The following ZBTB7C variants were observed in gnomAD, a reference collection of about 807,000 sequenced individuals.
ZBTB7C encodes zinc finger and BTB domain-containing protein 7C.
Under a neutral mutation model 25.7 loss-of-function variants are expected in ZBTB7C, and 8 were observed. The observed-to-expected ratio is 0.31, with a 90% CI of 0.18 to 0.56. The LOEUF (loss-of-function observed/expected upper bound fraction) is 0.56, where lower values mean the gene tolerates loss of function less well. Ranked by LOEUF, ZBTB7C falls within the 20% of genes least tolerant of loss-of-function variation. The pLI is 0.91. For missense variants in ZBTB7C, 824 were observed against 855.2 expected (o/e 0.96, Z 0.46); for synonymous variants, 394 against 369.0 (o/e 1.07, Z -0.78).
At chr18:48,065,764 C>T (rs1295312838) in intron 3 of ZBTB7C, among the ~76,000 whole-genome samples, 7 of 152,264 alleles carry the variant, frequency 4.6e-5, no homozygotes, top group East Asian at 3.9e-4. Flanking sequence ...CAGGTAGCTG[C>T]GGCATCCCAG....
At position 48,040,073 on chromosome 18, in the gene ZBTB7C, G is replaced by T. The variant is rs764256199; in HGVS notation, c.1035C>A (p.Gly345=). ...LNFLSATHLG[G]LFPPWPLVEE... Reference sequence around the variant, plus strand: ...CTACCAGGGGCCAGGGTGGGAAGAGGCCTCCCAGGTGGGTGGCACTCAGGA... The same window carrying T: ...CTACCAGGGGCCAGGGTGGGAAGAGTCCTCCCAGGTGGGTGGCACTCAGGA... The change falls in exon 4 of 5, where the codon GGC becomes GGA. Residue 345 remains glycine (G), a synonymous_variant. Coordinates refer to ENST00000590800, the MANE Select transcript of ZBTB7C (RefSeq NM_001318841.2). 4 of 1,613,026 alleles carry T rather than the reference G, an allele frequency of 2.5e-6. No homozygotes were observed. Among genetic ancestry groups the T allele is most frequent in the African/African-American group, 1.3e-5 (1 of 75,024 alleles).
intron 3 of ZBTB7C, among the ~76,000 whole-genome samples, chr18:48,177,729 A>G (rs1033516420): frequency 2.0e-5 from 3 of 151,868 alleles, no homozygotes; most frequent in Non-Finnish European, 4.4e-5. Flanking sequence ...GTTGTCTTCC[A>G]CTTGTCCCTC....
intron 2 of ZBTB7C, among the ~76,000 whole-genome samples, chr18:48,226,717 T>C (rs1599141481): frequency 2.0e-5 from 3 of 152,324 alleles, no homozygotes; most frequent in South Asian, 4.1e-4. Flanking sequence ...TTGAGCATCA[T>C]ACTGTTAGGA....
intron 2 of ZBTB7C, among the ~76,000 whole-genome samples, chr18:48,254,227 G>A (rs2043955976): frequency 6.6e-6 from 1 of 152,238 alleles, no homozygotes; most frequent in Admixed American, 6.5e-5. Context: ...AAGCTTACAT[G>A]GGTGAATGCC....
At chr18:48,141,675 A>G (rs2040354924) in intron 3 of ZBTB7C, among the ~76,000 whole-genome samples, 1 of 152,206 alleles carries the variant, frequency 6.6e-6, no homozygotes, top group East Asian at 1.9e-4. Context: ...AACATTTCAC[A>G]CCGCATTTAA....
intron 2 of ZBTB7C, among the ~76,000 whole-genome samples, chr18:48,313,769 G>A (rs893881439): frequency 2.6e-5 from 4 of 152,178 alleles, no homozygotes; most frequent in Admixed American, 6.5e-5. Context: ...TTCTCTGTGG[G>A]TGAGTAACAT....
At chr18:48,090,001 T>C (rs1403392974) in intron 3 of ZBTB7C, among the ~76,000 whole-genome samples, 1 of 152,190 alleles carries the variant, frequency 6.6e-6, no homozygotes, top group Non-Finnish European at 1.5e-5. Flanking sequence ...GGTGGGAGTG[T>C]GGTCCGTGGC....
At chr18:48,406,300 T>A (rs951159175) in intron 1 of ZBTB7C, among the ~76,000 whole-genome samples, 3 of 152,032 alleles carry the variant, frequency 2.0e-5, no homozygotes, top group African/African-American at 7.2e-5. Flanking sequence ...CACTCCTTCA[T>A]ACCCCCTTCA....
At chr18:48,167,589 T>C (rs923479062) in intron 3 of ZBTB7C, among the ~76,000 whole-genome samples, 1 of 151,480 alleles carries the variant, frequency 6.6e-6, no homozygotes, top group East Asian at 1.9e-4. Context: ...TGTGTGTGTG[T>C]GTGTGTGTGC....
chr18:48,029,251 G>A lies in ZBTB7C; in HGVS notation c.*9C>T. On this transcript the variant is annotated 3_prime_UTR_variant, in exon 5 of 5. Transcript: ENST00000590800. ...GAGGGCTGGTGGGCTGGAGCCGACA[G>A]GGACCAGCCTAGTTGTTGGCTTCGG... 1 of 1,533,792 alleles carries A rather than the reference G, an allele frequency of 6.5e-7. No homozygotes were observed. The highest frequency in any genetic ancestry group is 8.7e-7 in the Non-Finnish European group (1 of 1,148,206).
chr18:48,054,875 T>C (rs1222187477), intron 3 of ZBTB7C, among the ~76,000 whole-genome samples: 1 of 152,172 alleles, frequency 6.6e-6, no homozygotes, highest in African/African-American at 2.4e-5. Context: ...GCTGTTTGGT[T>C]CCCTTTCCAA....
intron 2 of ZBTB7C, among the ~76,000 whole-genome samples, chr18:48,260,374 G>C (rs1278352992): frequency 1.3e-5 from 2 of 152,168 alleles, no homozygotes; most frequent in Non-Finnish European, 2.9e-5. Context: ...ATGATCACAA[G>C]GGGACACAGG....
intron 2 of ZBTB7C, among the ~76,000 whole-genome samples, chr18:48,318,477 G>T (rs182352300): frequency 1.2e-4 from 19 of 152,194 alleles, no homozygotes; most frequent in Admixed American, 1.2e-3. Flanking sequence ...GACCCATGCT[G>T]CCCTAGACCT....
intron 3 of ZBTB7C, among the ~76,000 whole-genome samples, chr18:48,162,084 C>T (rs1210514511): frequency 7.2e-6 from 1 of 138,744 alleles, no homozygotes; most frequent in African/African-American, 2.5e-5. Flanking sequence ...GAACGCAGAG[C>T]CAGACCCCCC....
chr18:48,360,645 T>C (rs1475458354), intron 1 of ZBTB7C, among the ~76,000 whole-genome samples: 2 of 151,844 alleles, frequency 1.3e-5, no homozygotes, highest in Non-Finnish European at 2.9e-5. Flanking sequence ...TGAACCAAAA[T>C]AGTGACGGGC....
Position 48,029,095 on chromosome 18 carries a change from G to GCTTT in ZBTB7C, c.*161_*164dup. ...CTCAGACCAGCAAAAGGAGGCAGCT[G>GCTTT]CTTTAGGAGCCCGGGAAAATGCCAT... On this transcript the variant is annotated 3_prime_UTR_variant, in exon 5 of 5. Coordinates refer to ENST00000590800, the MANE Select transcript of ZBTB7C (RefSeq NM_001318841.2). 7 of 1,068,108 alleles carry GCTTT rather than the reference G, an allele frequency of 6.6e-6. No individual in the cohort carries two copies. In the South Asian group the frequency reaches 1.3e-4, roughly 19 times the overall value. The allele number at this position is 1,068,108 out of a possible 1,614,324, so 66.2% of individuals were successfully genotyped here.
chr18:48,281,884 A>G (rs1213721410), intron 2 of ZBTB7C, among the ~76,000 whole-genome samples: 23 of 145,300 alleles, frequency 1.6e-4, no homozygotes, highest in Non-Finnish European at 2.3e-4. Context: ...TAGTTCAACC[A>G]TTGTGGAAGT....
chr18:48,276,085 T>A (rs2144603671), intron 2 of ZBTB7C, among the ~76,000 whole-genome samples: 1 of 152,102 alleles, frequency 6.6e-6, no homozygotes, highest in East Asian at 1.9e-4. Context: ...CGCGATGGGG[T>A]AAAAGATCAT....
At chr18:48,244,577 A>C (rs2043624395) in intron 2 of ZBTB7C, among the ~76,000 whole-genome samples, 1 of 152,208 alleles carries the variant, frequency 6.6e-6, no homozygotes, top group African/African-American at 2.4e-5. Flanking sequence ...TCTACAAGGA[A>C]TTTAAATAAA....
Sources: gnomAD v4.1 joint callset for allele counts (sites outside exome capture counted in the v4.1 genomes callset) on GRCh38, gnomAD v4.1.1 for gene constraint, MANE v1.5 for transcripts, NCBI Gene and HGNC (gene_info 2026-07-23, HGNC 2026-07-21) for gene names.